The following RNMT variants were observed in gnomAD, a reference collection of about 807,000 sequenced individuals.
The protein encoded by RNMT is RNA guanine-7 methyltransferase.
RNMT carries 27 observed loss-of-function variants against 56.0 expected under a neutral mutation model. The observed-to-expected ratio is 0.48, with a 90% CI of 0.36 to 0.67. The LOEUF is 0.67. Among genes scored for constraint, RNMT ranks in the 30% least tolerant of loss-of-function variants. The pLI, the probability that RNMT is intolerant of heterozygous loss-of-function variation, is 0.00. For missense variants in RNMT, 519 were observed against 552.1 expected, an observed-to-expected ratio of 0.94 and a Z score of 0.60; for synonymous variants, 184 against 176.2, an observed-to-expected ratio of 1.04 and a Z score of -0.35.
At chr18:13,747,619 A>G (rs1189371089) in intron 9 of RNMT, among the ~76,000 whole-genome samples, 1 of 152,188 alleles carries the variant, frequency 6.6e-6, no homozygotes, top group Non-Finnish European at 1.5e-5. Context: ...TGTAGATGAT[A>G]CTCAAACAGA....
In RNMT at chr18:13,762,556, G is replaced by A. The variant is rs2044633584; in HGVS notation, c.*2577G>A. 1 of 202,804 alleles carries A rather than the reference G, an allele frequency of 4.9e-6. No individual in the cohort carries two copies. Among genetic ancestry groups the A allele is most frequent in the African/African-American group, 2.4e-5 (1 of 42,272 alleles). The allele number at this position is 202,804 out of a possible 1,614,324, so 12.6% of individuals were successfully genotyped here. ...GGTGGAGACTCTCACTTATGTTAAT[G>A]CAATCTTGAAATGACTGAAAGGTAG... is the stretch of plus-strand genomic sequence containing the variant. On this transcript the variant is annotated 3_prime_UTR_variant, in exon 12 of 12. Coordinates refer to ENST00000383314, the MANE Select transcript of RNMT (RefSeq NM_003799.3).
At chr18:13,753,401 C>T (rs946159820) in intron 10 of RNMT, among the ~76,000 whole-genome samples, 2 of 151,772 alleles carry the variant, frequency 1.3e-5, no homozygotes, top group Non-Finnish European at 2.9e-5. Flanking sequence ...GGAGGCGGAG[C>T]TTGCAGTGAG....
chr18:13,743,677 T>C (rs1158092510), intron 8 of RNMT, among the ~76,000 whole-genome samples: 1 of 152,034 alleles, frequency 6.6e-6, no homozygotes, highest in Non-Finnish European at 1.5e-5. Context: ...TGATTGAACT[T>C]GATTTTCTAC....
rs2044605749 is a variant in RNMT at position 13,760,444 on chromosome 18, A to G, written c.*465A>G. On this transcript the variant is annotated 3_prime_UTR_variant, in exon 12 of 12. Transcript: ENST00000383314. ...TTAATGGTCTGTACAGTTGAATGTA[A>G]GTGTTCAATATGTATTGCTGAAGTT... The G allele has an allele frequency of 1.0e-6, 1 of 985,492 alleles. No homozygotes were observed. The highest frequency in any genetic ancestry group is 1.2e-6 in the Non-Finnish European group (1 of 829,644). 61.0% of individuals were successfully genotyped at this position (985,492 alleles called of 1,614,324 possible). A position where few individuals can be genotyped will look rare whatever the true frequency, so the allele number is the denominator to read the frequency against.
At chr18:13,732,741 C>CTTTT (rs1255778917) in intron 3 of RNMT, among the ~76,000 whole-genome samples, 1 of 27,686 alleles carries the variant, frequency 3.6e-5, no homozygotes. Flanking sequence ...GGGAGCCCCC[C>CTTTT]CTTTTTTTTT....
Position 13,763,412 on chromosome 18 carries a change from C to T in RNMT, c.*3433C>T. The T allele has an allele frequency of 4.0e-6, 1 of 247,886 alleles. No individual in the cohort carries two copies. The highest frequency in any genetic ancestry group is 8.3e-6 in the Non-Finnish European group (1 of 120,746). The allele number at this position is 247,886 out of a possible 1,614,324, so 15.4% of individuals were successfully genotyped here. A position where few individuals can be genotyped will look rare whatever the true frequency, so the allele number is the denominator to read the frequency against. ...CCACTCCTTAGTGCCTGCACCTCAC[C>T]ACGATATTGAGGAAGCACAGGACAT... On this transcript the variant is annotated 3_prime_UTR_variant, in exon 12 of 12. Transcript: ENST00000383314.
Position 13,762,184 on chromosome 18 carries a change from T to A in RNMT, c.*2205T>A. 5.3e-6 allele frequency: 8 copies of A among 1,514,456 alleles called. No homozygotes were observed. Among genetic ancestry groups the A allele is most frequent in the South Asian group, 1.3e-5 (1 of 79,724 alleles). The allele number at this position is 1,514,456 out of a possible 1,614,324, so 93.8% of individuals were successfully genotyped here. On this transcript the variant is annotated 3_prime_UTR_variant, in exon 12 of 12. Transcript: ENST00000383314. ...GAGAATGGAATTGGAAATGAAGACCTAACCAGCTATTGGTGGGAATGACGG... is the reference window on the plus strand; with the variant it reads ...GAGAATGGAATTGGAAATGAAGACCAAACCAGCTATTGGTGGGAATGACGG...
At chr18:13,744,183 T>TTTTTTTTTTTTTTTTTTTTA (rs2044311150) in intron 8 of RNMT, among the ~76,000 whole-genome samples, 1 of 131,746 alleles carries the variant, frequency 7.6e-6, no homozygotes, top group African/African-American at 2.8e-5. Context: ...TTTTTTTTTT[T>TTTTTTTTTTTTTTTTTTTTA]TTGACTTAAA....
rs2044632110 is a variant in RNMT at position 13,762,435 on chromosome 18, C to G, written c.*2456C>G. ...TGACTCTGCAGAGTCACTGCACCAT[C>G]AGGCTTGGCCCTGCTGTGCCTTCAG... On this transcript the variant is annotated 3_prime_UTR_variant, in exon 12 of 12. Coordinates refer to ENST00000383314, the MANE Select transcript of RNMT (RefSeq NM_003799.3). 1 of 355,550 alleles carries G rather than the reference C, an allele frequency of 2.8e-6. No homozygotes were observed. The highest frequency in any genetic ancestry group is 6.3e-5 in the East Asian group (1 of 15,992). 22.0% of individuals were successfully genotyped at this position (355,550 alleles called of 1,614,324 possible).
intron 7 of RNMT, 93 bp from the exon 8 acceptor site, chr18:13,742,395 A>T (rs190096696): frequency 2.7e-6 from 3 of 1,124,800 alleles, no homozygotes; most frequent in African/African-American, 3.2e-5. Flanking sequence ...AGTGTGCATC[A>T]TGTAGTTTTT....
At chr18:13,732,013 T>A in intron 3 of RNMT, 79 bp downstream of exon 3, 2 of 1,135,984 alleles carry the variant, frequency 1.8e-6, no homozygotes, top group Non-Finnish European at 2.5e-6. Context: ...TTCATACTGG[T>A]TTTTACATAA....
chr18:13,734,760 A>G (rs561457390), intron 4 of RNMT, among the ~76,000 whole-genome samples, 161 bp downstream of exon 4: 4 of 152,310 alleles, frequency 2.6e-5, no homozygotes, highest in Admixed American at 2.0e-4. Flanking sequence ...TTTAATTATT[A>G]TGTTAATCAG....
At chr18:13,751,501 G>A (rs59458845) in intron 9 of RNMT, among the ~76,000 whole-genome samples, 5,040 of 152,248 alleles carry the variant, frequency 0.033, 119 homozygotes, top group Middle Eastern at 0.068. Flanking sequence ...AAATAGGAAC[G>A]CTTTTACACT....
chr18:13,762,410 T>G lies in RNMT; in HGVS notation c.*2431T>G, dbSNP rs2044631663. ...GGAAAGTATTGCAATTCTGTGAGAGTGACTCTGCAGAGTCACTGCACCATC... is the reference window on the plus strand; with the variant it reads ...GGAAAGTATTGCAATTCTGTGAGAGGGACTCTGCAGAGTCACTGCACCATC... On this transcript the variant is annotated 3_prime_UTR_variant, in exon 12 of 12. Coordinates refer to ENST00000383314, the MANE Select transcript of RNMT (RefSeq NM_003799.3). 9.1e-6 allele frequency: 4 copies of G among 441,344 alleles called. No homozygotes were observed. In the East Asian group the frequency reaches 1.9e-4, roughly 20 times the overall value. 27.3% of individuals were successfully genotyped at this position (441,344 alleles called of 1,614,324 possible).
At chr18:13,739,830 A>G (rs1479089486) in intron 5 of RNMT, among the ~76,000 whole-genome samples, 1 of 152,176 alleles carries the variant, frequency 6.6e-6, no homozygotes, top group African/African-American at 2.4e-5. Context: ...TATTATAAAA[A>G]TATACCCTTG....
At position 13,746,238 on chromosome 18, in the gene RNMT, T is replaced by C; in HGVS notation, c.1158T>C (p.Asn386=). The C allele has an allele frequency of 6.6e-7, 1 of 1,517,690 alleles. No individual in the cohort carries two copies. 94.0% of individuals were successfully genotyped at this position (1,517,690 alleles called of 1,614,324 possible). Residue 386 remains asparagine, a synonymous_variant, in exon 9 of 12, where the codon AAT becomes AAC. Coordinates refer to ENST00000383314, the MANE Select transcript of RNMT (RefSeq NM_003799.3). ...PLLNEMAKKY[N]MKLVYKKTFL... is the part of the protein sequence containing the mutation. ...TGGACAGAATGGCAAAGAAGTACAA[T>C]ATGAAACTAGTCTACAAAAAAACAT...
chr18:13,741,585 T>C lies in RNMT; in HGVS notation c.868T>C (p.Ser290Pro). ...CAGTTGTCAGTTTGTCTGTCATTAC[T>C]CATTTGAGTCTTATGAGCAGGCTGA... Reference protein sequence around the residue: ...ICSCQFVCHYSFESYEQADMM... With the variant: ...ICSCQFVCHYPFESYEQADMM... The change falls in exon 7 of 12, where the codon TCA (serine) becomes CCA (proline). Residue 290 changes from serine to proline, a missense_variant. By Grantham distance (74) the Ser-to-Pro change is moderately conservative. Coordinates refer to ENST00000383314, the MANE Select transcript of RNMT (RefSeq NM_003799.3). The C allele has an allele frequency of 6.2e-7, 1 of 1,613,892 alleles. No homozygotes were observed. Among genetic ancestry groups the C allele is most frequent in the Non-Finnish European group, 8.5e-7 (1 of 1,179,746 alleles).
Position 13,761,118 on chromosome 18 carries a change from C to T in RNMT, c.*1139C>T. The T allele has an allele frequency of 2.0e-6, 2 of 985,194 alleles. No individual in the cohort carries two copies. The highest frequency in any genetic ancestry group is 2.4e-6 in the Non-Finnish European group (2 of 829,724). The allele number at this position is 985,194 out of a possible 1,614,324, so 61.0% of individuals were successfully genotyped here. ...ACATTACTTTCTGTAATTCACAATA[C>T]TTGTTTTAAAAACATAGTGTCTTCA... On this transcript the variant is annotated 3_prime_UTR_variant, in exon 12 of 12. Coordinates refer to ENST00000383314, the MANE Select transcript of RNMT (RefSeq NM_003799.3).
Position 13,740,203 on chromosome 18 carries a change from G to A in RNMT, c.716G>A (p.Arg239Gln), listed in dbSNP as rs1438601973. Residue 239 changes from arginine to glutamine, a missense_variant, in exon 6 of 12, where the codon CGG becomes CAG. Physicochemically the swap from Arg to Gln is conservative, Grantham distance 43 (BLOSUM62 1). Transcript: ENST00000383314. The part of the protein sequence containing the change: ...ADVSVKQCQQ[R>Q]YEDMKNRRDS... Reference sequence around the variant, plus strand: ...GTTTCTGTCAAACAGTGTCAGCAGCGGTATGAGGACATGAAAAATCGTCGT... The same window carrying A: ...GTTTCTGTCAAACAGTGTCAGCAGCAGTATGAGGACATGAAAAATCGTCGT... The A allele has an allele frequency of 1.2e-6, 2 of 1,612,616 alleles. No homozygotes were observed. The highest frequency in any genetic ancestry group is 1.7e-6 in the Non-Finnish European group (2 of 1,178,910).
Sources: gnomAD v4.1 joint callset for allele counts (sites outside exome capture counted in the v4.1 genomes callset) on GRCh38, gnomAD v4.1.1 for gene constraint, MANE v1.5 for transcripts, NCBI Gene and HGNC (gene_info 2026-07-23, HGNC 2026-07-21) for gene names.